Variants in SGCZ observed in about 807,000 individuals in gnomAD.
The protein encoded by SGCZ is sarcoglycan zeta, also known as zeta-sarcoglycan.
A neutral mutation model predicts 41.3 loss-of-function variants in SGCZ; 40 were observed. The observed-to-expected ratio is 0.97, with a 90% CI of 0.75 to 1.26. SGCZ has a LOEUF of 1.26. SGCZ is among the 50% of genes most tolerant of loss of function. The pLI, the probability that SGCZ is intolerant of heterozygous loss-of-function variation, is 0.00. For synonymous variants in SGCZ, 206 were observed against 137.5 expected, an observed-to-expected ratio of 1.50 and a Z score of -3.49; for missense variants, 552 against 369.8, an observed-to-expected ratio of 1.49 and a Z score of -4.04.
At chr8:14,893,176 G>A (rs1017573205) in intron 1 of SGCZ, among the ~76,000 whole-genome samples, 4 of 152,062 alleles carry the variant, frequency 2.6e-5, no homozygotes, top group Non-Finnish European at 5.9e-5. Context: ...TTCCAGTTGG[G>A]GTTCACAGAA....
At chr8:14,640,649 G>GGTGTGT (rs3068698) in intron 1 of SGCZ, among the ~76,000 whole-genome samples, 92 of 149,992 alleles carry the variant, frequency 6.1e-4, no homozygotes, top group Non-Finnish European at 8.9e-4. Context: ...TATATATAGG[G>GGTGTGT]GTGTGTGTGT....
At chr8:15,081,573 A>C (rs1411276954) in intron 1 of SGCZ, among the ~76,000 whole-genome samples, 1 of 152,132 alleles carries the variant, frequency 6.6e-6, no homozygotes, top group Non-Finnish European at 1.5e-5. Flanking sequence ...AGAACAGAAA[A>C]AAATAGAGGT....
intron 2 of SGCZ, among the ~76,000 whole-genome samples, chr8:14,366,538 T>G (rs1297102470): frequency 1.3e-5 from 2 of 150,550 alleles, no homozygotes; most frequent in East Asian, 3.9e-4. Flanking sequence ...ATTCCACCCC[T>G]GGCCCCTCCT....
chr8:14,190,365 G>GTA lies in SGCZ; in HGVS notation c.425-25665_425-25664dup, dbSNP rs568475574. The stretch of plus-strand genomic sequence containing the variant: ...AATATCCCATTATGTATGTATGTAT[G>GTA]TATGTGTGTGTGTGTGTATATATAT... On this transcript the variant is annotated intron_variant, in intron 4 of 7. Transcript: ENST00000382080. 5.9e-5 allele frequency among the ~76,000 whole-genome samples: 9 copies of GTA among 151,382 alleles called. 1 individual carries two copies. In the South Asian group the frequency reaches 6.3e-4, roughly 11 times the overall value.
chr8:14,980,750 G>T (rs1002757269), intron 1 of SGCZ, among the ~76,000 whole-genome samples: 1 of 14,286 alleles, frequency 7.0e-5, no homozygotes, highest in South Asian at 0.014. Flanking sequence ...CTCCCACTGG[G>T]TCCCTCCCCA....
intron 3 of SGCZ, among the ~76,000 whole-genome samples, chr8:14,259,909 C>T (rs901149392): frequency 6.6e-6 from 1 of 152,014 alleles, no homozygotes; most frequent in Non-Finnish European, 1.5e-5. Context: ...GGCAGTATGG[C>T]CATTTTCACG....
chr8:14,513,813 C>A (rs1316608331), intron 2 of SGCZ, among the ~76,000 whole-genome samples: 1 of 152,050 alleles, frequency 6.6e-6, no homozygotes, highest in Non-Finnish European at 1.5e-5. Flanking sequence ...GTATTTGAAT[C>A]TTCCTCCCTC....
At chr8:15,048,653 T>A (rs1804402585) in intron 1 of SGCZ, among the ~76,000 whole-genome samples, 1 of 152,072 alleles carries the variant, frequency 6.6e-6, no homozygotes, top group Non-Finnish European at 1.5e-5. Context: ...TCAGATATTC[T>A]CCAATTGGGA....
chr8:14,464,233 G>T (rs909691147), intron 2 of SGCZ, among the ~76,000 whole-genome samples: 2 of 151,458 alleles, frequency 1.3e-5, no homozygotes, highest in African/African-American at 4.8e-5. Flanking sequence ...CACTGGTGAA[G>T]CCATCAAATC....
intron 2 of SGCZ, among the ~76,000 whole-genome samples, chr8:14,494,547 CA>C (rs1328720049): frequency 6.6e-6 from 1 of 152,154 alleles, no homozygotes; most frequent in African/African-American, 2.4e-5. Context: ...ACCACACACA[CA>C]CACGCTCCTT....
intron 3 of SGCZ, among the ~76,000 whole-genome samples, chr8:14,250,970 G>C (rs1176286771): frequency 6.6e-6 from 1 of 152,164 alleles, no homozygotes; most frequent in Non-Finnish European, 1.5e-5. Flanking sequence ...GCTCATGTCT[G>C]TAATCCTAGC....
intron 4 of SGCZ, among the ~76,000 whole-genome samples, chr8:14,178,672 C>T (rs1287601352): frequency 6.6e-6 from 1 of 152,198 alleles, no homozygotes; most frequent in African/African-American, 2.4e-5. Context: ...TAGGTAAACA[C>T]CTGATATTCA....
At chr8:14,856,721 G>C (rs1333245683) in intron 1 of SGCZ, among the ~76,000 whole-genome samples, 1 of 152,168 alleles carries the variant, frequency 6.6e-6, no homozygotes, top group Non-Finnish European at 1.5e-5. Context: ...GCAGCAGTAT[G>C]TTTAAAAGCT....
At chr8:14,442,709 C>G (rs1800307106) in intron 2 of SGCZ, among the ~76,000 whole-genome samples, 1 of 152,170 alleles carries the variant, frequency 6.6e-6, no homozygotes, top group South Asian at 2.1e-4. Context: ...GTAAGTCTCA[C>G]CCAGTTTCTC....
rs1472979168 is a variant in SGCZ, at chr8:14,279,825, T to C, written c.337-42146A>G. On this transcript the variant is annotated intron_variant, in intron 3 of 7. Transcript: ENST00000382080. ...CTCTTATTTATAATCTGGATCCTCA[T>C]GCTTCATGCTCCATTTTTTTTTTCT... 3.3e-5 allele frequency among the ~76,000 whole-genome samples: 5 copies of C among 149,542 alleles called. 1 individual carries two copies. The highest frequency in any genetic ancestry group is 1.2e-4 in the African/African-American group (5 of 40,724).
At position 14,917,980 on chromosome 8, in the gene SGCZ, T is replaced by C. The variant is rs1228594727; in HGVS notation, c.39+319605A>G. On this transcript the variant is annotated intron_variant, in intron 1 of 7. Transcript: ENST00000382080. The stretch of plus-strand genomic sequence containing the variant: ...AGGCTAGTTGCTATTACACCTGTTA[T>C]TATTATTTTATTTAAATATGAAAGA... 3.3e-5 allele frequency among the ~76,000 whole-genome samples: 5 copies of C among 152,184 alleles called. No homozygotes were observed. In the East Asian group the frequency reaches 9.6e-4, roughly 29 times the overall value.
At chr8:14,950,871 T>G (rs559822566) in intron 1 of SGCZ, among the ~76,000 whole-genome samples, 1 of 152,136 alleles carries the variant, frequency 6.6e-6, no homozygotes, top group South Asian at 2.1e-4. Flanking sequence ...AAATAGTTCA[T>G]AACAGAAATA....
chr8:14,814,027 T>C lies in SGCZ; in HGVS notation c.40-259101A>G, dbSNP rs76024875. On this transcript the variant is annotated intron_variant, in intron 1 of 7. Coordinates refer to ENST00000382080, the MANE Select transcript of SGCZ (RefSeq NM_139167.4). ...ACAAAAGATAACTAAATCATGTCTA[T>C]GGAGGCCCTAGCACAGTATGCAGCA... Among the ~76,000 whole-genome samples, 1,242 of 152,238 alleles carry C rather than the reference T, an allele frequency of 8.2e-3. 14 individuals are homozygous for C. Among genetic ancestry groups the C allele is most frequent in the African/African-American group, 0.028 (1,178 of 41,536 alleles).
chr8:14,825,348 T>A (rs182437582), intron 1 of SGCZ, among the ~76,000 whole-genome samples: 18 of 152,272 alleles, frequency 1.2e-4, no homozygotes, highest in Admixed American at 7.8e-4. Flanking sequence ...AATAGAATCT[T>A]TACAATTTTT....
Sources: gnomAD v4.1 joint callset for allele counts (sites outside exome capture counted in the v4.1 genomes callset) on GRCh38, gnomAD v4.1.1 for gene constraint, MANE v1.5 for transcripts, NCBI Gene and HGNC (gene_info 2026-07-23, HGNC 2026-07-21) for gene names.